Variants in C1QTNF3 observed in about 807,000 individuals in gnomAD.
C1QTNF3 encodes the protein C1q and TNF related 3.
A neutral mutation model predicts 32.6 loss-of-function variants in C1QTNF3; 26 were observed. The observed-to-expected ratio is 0.80, with a 90% CI of 0.58 to 1.11. The LOEUF (loss-of-function observed/expected upper bound fraction) is 1.11. Among genes scored for constraint, C1QTNF3 ranks in the 50% least tolerant of loss-of-function variants. The pLI is 0.00. For missense variants in C1QTNF3, 362 were observed against 398.2 expected (o/e 0.91, Z 0.77); for synonymous variants, 155 against 146.0 (o/e 1.06, Z -0.44).
the C1QTNF3 span, among the ~76,000 whole-genome samples, chr5:34,213,731 C>T: frequency 1.6e-3 from 88 of 53,952 alleles, no homozygotes; most frequent in African/African-American, 9.8e-3. Context: ...TATATATACA[C>T]GTATATATAG....
intron 1 of C1QTNF3, among the ~76,000 whole-genome samples, chr5:34,041,081 G>C (rs994885581): frequency 6.6e-6 from 1 of 152,120 alleles, no homozygotes; most frequent in African/African-American, 2.4e-5. Flanking sequence ...GTACAAAGTA[G>C]AAGCACAAGA....
chr5:34,063,701 C>A, the C1QTNF3 span, among the ~76,000 whole-genome samples: 1 of 152,156 alleles, frequency 6.6e-6, no homozygotes, highest in African/African-American at 2.4e-5. Flanking sequence ...AGGGACAAGA[C>A]CCCCTGGGTT....
chr5:34,133,527 T>C, the C1QTNF3 span, among the ~76,000 whole-genome samples: 1 of 152,218 alleles, frequency 6.6e-6, no homozygotes, highest in East Asian at 1.9e-4. Context: ...AAAATCTTGT[T>C]ACATCCTAAT....
At chr5:34,154,140 T>A in the C1QTNF3 span, among the ~76,000 whole-genome samples, 1 of 152,138 alleles carries the variant, frequency 6.6e-6, no homozygotes, top group African/African-American at 2.4e-5. Context: ...ATTATGGAAT[T>A]TTTCCTGCAT....
the C1QTNF3 span, among the ~76,000 whole-genome samples, chr5:34,140,030 C>T: frequency 6.6e-6 from 1 of 152,164 alleles, no homozygotes; most frequent in South Asian, 2.1e-4. Context: ...TTACTCTCTG[C>T]ACCAGCACAT....
At chr5:34,208,795 C>G in the C1QTNF3 span, among the ~76,000 whole-genome samples, 2 of 152,122 alleles carry the variant, frequency 1.3e-5, no homozygotes, top group Non-Finnish European at 2.9e-5. Context: ...GCCACTAATT[C>G]CCAATCGTCA....
chr5:34,069,847 T>A, the C1QTNF3 span, among the ~76,000 whole-genome samples: 3 of 152,118 alleles, frequency 2.0e-5, no homozygotes, highest in African/African-American at 7.2e-5. Flanking sequence ...AAAATTCAAA[T>A]AACAATAATG....
chr5:34,137,311 A>T, the C1QTNF3 span, among the ~76,000 whole-genome samples: 32 of 152,216 alleles, frequency 2.1e-4, no homozygotes. Flanking sequence ...TTAATGCCTT[A>T]GTTCACCAGA....
At chr5:34,064,878 C>G in the C1QTNF3 span, among the ~76,000 whole-genome samples, 1 of 152,158 alleles carries the variant, frequency 6.6e-6, no homozygotes, top group East Asian at 1.9e-4. Flanking sequence ...TGTGTAAAAT[C>G]ATTTATTCCA....
chr5:34,230,089 T>C, the C1QTNF3 span, among the ~76,000 whole-genome samples: 1 of 152,150 alleles, frequency 6.6e-6, no homozygotes, highest in Admixed American at 6.5e-5. Flanking sequence ...ACTTCCCAAC[T>C]TTCAGAACTC....
At chr5:34,224,196 G>A in the C1QTNF3 span, among the ~76,000 whole-genome samples, 2 of 152,144 alleles carry the variant, frequency 1.3e-5, no homozygotes, top group African/African-American at 4.8e-5. Context: ...TGGGTAGGAA[G>A]AATCAATATG....
chr5:34,066,089 T>C, the C1QTNF3 span, among the ~76,000 whole-genome samples: 1 of 152,250 alleles, frequency 6.6e-6, no homozygotes, highest in East Asian at 1.9e-4. Context: ...GAAGGTCATA[T>C]ACCAGTTAAA....
the C1QTNF3 span, among the ~76,000 whole-genome samples, chr5:34,134,033 A>G: frequency 1.3e-5 from 2 of 152,244 alleles, no homozygotes; most frequent in Non-Finnish European, 2.9e-5. Context: ...GCTGTGAATG[A>G]CTTGATGATA....
the C1QTNF3 span, among the ~76,000 whole-genome samples, chr5:34,085,561 T>C: frequency 6.6e-6 from 1 of 151,612 alleles, no homozygotes; most frequent in Non-Finnish European, 1.5e-5. Flanking sequence ...TACTGTAGAC[T>C]TGTAGTATAG....
the C1QTNF3 span, among the ~76,000 whole-genome samples, chr5:34,169,376 A>AT: frequency 5.3e-5 from 8 of 151,892 alleles, no homozygotes; most frequent in African/African-American, 1.9e-4. Flanking sequence ...TGTTGAGCAT[A>AT]TTTTTTAATG....
the C1QTNF3 span, chr5:34,192,954 T>C: frequency 2.6e-3 from 1,860 of 713,544 alleles, no homozygotes; most frequent in African/African-American, 0.029. Flanking sequence ...TCAAACGAAA[T>C]GCCAGCTCCA....
chr5:34,066,326 C>T, the C1QTNF3 span, among the ~76,000 whole-genome samples: 1 of 152,196 alleles, frequency 6.6e-6, no homozygotes, highest in Non-Finnish European at 1.5e-5. Context: ...AGGGAGCCCT[C>T]CCTTACCCTG....
chr5:34,175,729 C>T, the C1QTNF3 span: 5 of 647,212 alleles, frequency 7.7e-6, no homozygotes, highest in South Asian at 1.8e-5. Context: ...CCTTTGTTTC[C>T]AATATTCTTA....
the C1QTNF3 span, among the ~76,000 whole-genome samples, chr5:34,233,553 A>G: frequency 1.2e-4 from 18 of 151,894 alleles, no homozygotes; most frequent in South Asian, 2.5e-3. Flanking sequence ...TTTCTAGCCA[A>G]GAATGTTTCC....
Sources: allele counts gnomAD v4.1 joint callset (sites outside exome capture counted in the v4.1 genomes callset), GRCh38; gene constraint gnomAD v4.1.1; transcripts MANE v1.5; gene names NCBI Gene and HGNC (gene_info 2026-07-23, HGNC 2026-07-21).